ST18: variants seen among roughly 807,000 people sequenced by gnomAD.
ST18 encodes the protein suppression of tumorigenicity 18 protein.
In ST18, 50 loss-of-function variants were observed where a neutral mutation model predicts 110.0. The observed-to-expected ratio is 0.45, with a 90% CI of 0.36 to 0.58. ST18 has a LOEUF of 0.58. Among genes scored for constraint, ST18 ranks in the 20% least tolerant of loss-of-function variants. ST18 has a pLI of 0.00. For synonymous variants in ST18, 461 were observed against 452.4 expected (o/e 1.02, Z -0.24); for missense variants, 1,306 against 1,280.1 (o/e 1.02, Z -0.31).
At chr8:52,240,451 A>G (rs536636120) in intron 2 of ST18, among the ~76,000 whole-genome samples, 7 of 152,248 alleles carry the variant, frequency 4.6e-5, no homozygotes, top group African/African-American at 1.7e-4. Flanking sequence ...AGGTGTCTCA[A>G]TCTGCGTGCT....
At chr8:52,374,733 T>C (rs1831574794) in intron 2 of ST18, among the ~76,000 whole-genome samples, 1 of 152,086 alleles carries the variant, frequency 6.6e-6, no homozygotes, top group Admixed American at 6.6e-5. Flanking sequence ...CCTCCCTGTG[T>C]CCATGTGTTC....
chr8:52,294,063 C>G (rs575094449), intron 2 of ST18, among the ~76,000 whole-genome samples: 2 of 152,284 alleles, frequency 1.3e-5, no homozygotes, highest in South Asian at 2.1e-4. Context: ...CTTAAAGCGA[C>G]CAGTGAGTCC....
intron 10 of ST18, among the ~76,000 whole-genome samples, chr8:52,167,654 T>A (rs2063468504): frequency 6.6e-6 from 1 of 152,200 alleles, no homozygotes; most frequent in Admixed American, 6.5e-5. Flanking sequence ...TCACTCTAAA[T>A]GCAGAATCTG....
chr8:52,231,216 G>A (rs919816708), intron 2 of ST18, among the ~76,000 whole-genome samples: 5 of 152,108 alleles, frequency 3.3e-5, no homozygotes, highest in African/African-American at 4.8e-5. Context: ...TAATGGCTCT[G>A]CTTTCCATCC....
chr8:52,117,236 C>T (rs574512098), intron 24 of ST18, among the ~76,000 whole-genome samples: 5 of 152,278 alleles, frequency 3.3e-5, no homozygotes, highest in East Asian at 3.9e-4. Flanking sequence ...AGCACTTTTG[C>T]GCTTGCAGGG....
At chr8:52,119,281 G>A (rs1428984416) in intron 23 of ST18, among the ~76,000 whole-genome samples, 1 of 152,188 alleles carries the variant, frequency 6.6e-6, no homozygotes, top group Non-Finnish European at 1.5e-5. Flanking sequence ...TGTAGAAGGA[G>A]TATGACTACA....
Position 52,330,681 on chromosome 8 carries a change from C to G in ST18, c.-465+78647G>C, listed in dbSNP as rs575570102. ...ATCCAACATGTGGAGATGACCGGCT[C>G]TGGGCATGCCCTGTGCTCACCTGGC... On this transcript the variant is annotated intron_variant, in intron 2 of 25. Transcript: ENST00000689386. Among the ~76,000 whole-genome samples the G allele has an allele frequency of 2.6e-5, 4 of 152,350 alleles. No individual in the cohort carries two copies. In the South Asian group the frequency reaches 6.2e-4, roughly 24 times the overall value.
chr8:52,191,084 A>G (rs1434629005), intron 8 of ST18, among the ~76,000 whole-genome samples: 2 of 152,216 alleles, frequency 1.3e-5, no homozygotes, highest in Non-Finnish European at 2.9e-5. Flanking sequence ...ATTGAGAGAC[A>G]AGGCCAGTTT....
At chr8:52,343,437 C>T (rs1816145399) in intron 2 of ST18, among the ~76,000 whole-genome samples, 1 of 152,164 alleles carries the variant, frequency 6.6e-6, no homozygotes, top group African/African-American at 2.4e-5. Context: ...CAACCATAGA[C>T]GTTTCTGTCA....
At chr8:52,159,209 T>C (rs1267342074) in intron 14 of ST18, 100 bp from the exon 15 acceptor site, 9 of 1,148,800 alleles carry the variant, frequency 7.8e-6, no homozygotes, top group Non-Finnish European at 1.1e-5. Context: ...TTAAAATATG[T>C]GAAGAATAAA....
chr8:52,322,190 A>G (rs1804245135), intron 2 of ST18, among the ~76,000 whole-genome samples: 1 of 152,210 alleles, frequency 6.6e-6, no homozygotes, highest in Non-Finnish European at 1.5e-5. Flanking sequence ...ATGGAAGGCA[A>G]GGAGGAGGGA....
intron 2 of ST18, among the ~76,000 whole-genome samples, chr8:52,372,676 C>G (rs1002317068): frequency 2.9e-4 from 44 of 152,196 alleles, no homozygotes; most frequent in African/African-American, 1.0e-3. Context: ...CAACTGCCTA[C>G]AGTAGCATGC....
At chr8:52,307,575 C>CAATAAGCAGACAATTGTGAAAATTTAGA (rs2095835722) in intron 2 of ST18, among the ~76,000 whole-genome samples, 2 of 152,124 alleles carry the variant, frequency 1.3e-5, no homozygotes, top group Non-Finnish European at 2.9e-5. Context: ...TTTATAAAAG[C>CAATAAGCAGACAATTGTGAAAATTTAGA]AATAAGCAGA....
chr8:52,193,827 C>T (rs1588149651), intron 8 of ST18, among the ~76,000 whole-genome samples: 1 of 152,332 alleles, frequency 6.6e-6, no homozygotes, highest in African/African-American at 2.4e-5. Context: ...AACTCTCTCA[C>T]CTATGTCTTA....
chr8:52,130,567 G>A (rs1205877835), intron 22 of ST18, among the ~76,000 whole-genome samples: 2 of 152,226 alleles, frequency 1.3e-5, no homozygotes, highest in African/African-American at 4.8e-5. Flanking sequence ...GTTCTCATAT[G>A]CAGAGATCCT....
chr8:52,214,876 A>G (rs947038860), intron 6 of ST18, among the ~76,000 whole-genome samples: 1 of 152,224 alleles, frequency 6.6e-6, no homozygotes, highest in African/African-American at 2.4e-5. Flanking sequence ...TGCCAGTGTC[A>G]AATTCTCCAA....
intron 2 of ST18, among the ~76,000 whole-genome samples, chr8:52,231,767 G>A (rs762511067): frequency 5.9e-5 from 9 of 152,220 alleles, no homozygotes; most frequent in African/African-American, 9.6e-5. Flanking sequence ...GAGCTGCAGT[G>A]CCCGGCCGGG....
intron 8 of ST18, among the ~76,000 whole-genome samples, chr8:52,200,386 G>A (rs1438635909): frequency 6.6e-6 from 1 of 152,228 alleles, no homozygotes; most frequent in African/African-American, 2.4e-5. Flanking sequence ...AAGTGAGCAT[G>A]TGAGACTCGC....
At chr8:52,373,790 GGCAGAAGCATCCAACCCTATGCCT>G (rs1330843719) in intron 2 of ST18, among the ~76,000 whole-genome samples, 1 of 151,954 alleles carries the variant, frequency 6.6e-6, no homozygotes, top group African/African-American at 2.4e-5. Flanking sequence ...GTATTTGTTT[GGCAGAAGCATCCAACCCTATGCCT>G]GCTCTGTCTC....
Sources: allele counts gnomAD v4.1 joint callset (sites outside exome capture counted in the v4.1 genomes callset), GRCh38; gene constraint gnomAD v4.1.1; transcripts MANE v1.5; gene names NCBI Gene and HGNC (gene_info 2026-07-23, HGNC 2026-07-21).